Variants in DOCK4 observed in about 807,000 individuals in gnomAD.
DOCK4 encodes dedicator of cytokinesis protein 4.
DOCK4 carries 97 observed loss-of-function variants against 268.1 expected under a neutral mutation model. That is an observed-to-expected ratio of 0.36 (90% CI 0.31 to 0.43). DOCK4 has a LOEUF of 0.43. DOCK4 is among the 20% of genes least tolerant of loss of function. The pLI is 1.00. For missense variants in DOCK4, 2,145 were observed against 2,455.7 expected, an observed-to-expected ratio of 0.87 and a Z score of 2.67; for synonymous variants, 954 against 887.2, an observed-to-expected ratio of 1.08 and a Z score of -1.34.
At chr7:111,863,065 T>G in intron 23 of DOCK4, 1 of 289,952 alleles carries the variant, frequency 3.4e-6, no homozygotes, top group Middle Eastern at 1.1e-3. Flanking sequence ...GATGAAAAAC[T>G]TTTAAAAACA....
intron 1 of DOCK4, among the ~76,000 whole-genome samples, chr7:112,099,253 T>C (rs565336597): frequency 1.3e-5 from 2 of 150,366 alleles, no homozygotes; most frequent in South Asian, 2.1e-4. Context: ...GTTCGTGCCA[T>C]TGCATTTCCG....
chr7:111,984,023 T>C (rs1250790113), intron 7 of DOCK4, among the ~76,000 whole-genome samples: 24 of 152,020 alleles, frequency 1.6e-4, no homozygotes, highest in Non-Finnish European at 5.9e-5. Context: ...TTCACTACAC[T>C]AGACAAAAAG....
Position 111,954,229 on chromosome 7 carries a change from A to G in DOCK4, c.702-8431T>C, listed in dbSNP as rs534778819. Among the ~76,000 whole-genome samples the G allele has an allele frequency of 2.6e-5, 4 of 152,302 alleles. No individual in the cohort carries two copies. The East Asian group carries it at 7.7e-4, about 29-fold the overall frequency. ...GTCTCGCCTAGAATAACAAAGGACA[A>G]TTCAGAAAAGCTCAGGCCGCACTAT... On this transcript the variant is annotated intron_variant, in intron 8 of 52. Transcript: ENST00000428084.
chr7:112,080,611 G>T (rs1391042734), intron 1 of DOCK4, among the ~76,000 whole-genome samples: 3 of 152,308 alleles, frequency 2.0e-5, no homozygotes, highest in African/African-American at 7.2e-5. Flanking sequence ...CTACGCACTT[G>T]TGACAATGTG....
At chr7:112,022,278 C>T (rs1261613478) in intron 1 of DOCK4, among the ~76,000 whole-genome samples, 1 of 152,338 alleles carries the variant, frequency 6.6e-6, no homozygotes, top group South Asian at 2.1e-4. Flanking sequence ...TACAAGTACT[C>T]CTCACAGCAA....
At chr7:112,089,128 A>G (rs1439208355) in intron 1 of DOCK4, among the ~76,000 whole-genome samples, 1 of 152,022 alleles carries the variant, frequency 6.6e-6, no homozygotes, top group African/African-American at 2.4e-5. Context: ...CCCTTTTTTT[A>G]CTTGTTAAAG....
intron 16 of DOCK4, among the ~76,000 whole-genome samples, chr7:111,887,129 ACTGACCAGTC>A (rs957176797): frequency 8.1e-4 from 123 of 152,296 alleles, no homozygotes; most frequent in African/African-American, 2.8e-3. Context: ...AGGAGGTGGA[ACTGACCAGTC>A]ATGCAACCAA....
rs1488868206 is a variant in DOCK4, at chr7:111,741,638, G to T, written c.4821C>A (p.Ala1607=). 1 of 1,613,400 alleles carries T rather than the reference G, an allele frequency of 6.2e-7. No homozygotes were observed. The highest frequency in any genetic ancestry group is 8.5e-7 in the Non-Finnish European group (1 of 1,179,706). The change falls in exon 46 of 53, where the codon GCC becomes GCA. Residue 1607 remains alanine (A), a synonymous_variant. Transcript: ENST00000428084. The part of the protein sequence containing the change: ...GIQEFSACMQ[A]SPVHFPNGSP... ...TTCCATTAGGAAAATGGACAGGACT[G>T]GCTTGCATACAAGCAGAGAACTCCT...
At chr7:112,205,081 G>A (rs1488224698) in intron 1 of DOCK4, among the ~76,000 whole-genome samples, 1 of 152,130 alleles carries the variant, frequency 6.6e-6, no homozygotes, top group Non-Finnish European at 1.5e-5. Flanking sequence ...TAACTGTCAA[G>A]GGGCGACCCA....
At chr7:111,938,240 T>C (rs1161344286) in intron 11 of DOCK4, among the ~76,000 whole-genome samples, 1 of 152,186 alleles carries the variant, frequency 6.6e-6, no homozygotes, top group Non-Finnish European at 1.5e-5. Flanking sequence ...TAAATCTTTG[T>C]CAATGAATTA....
At chr7:112,084,949 C>T (rs1339106997) in intron 1 of DOCK4, among the ~76,000 whole-genome samples, 1 of 152,004 alleles carries the variant, frequency 6.6e-6, no homozygotes, top group Admixed American at 6.6e-5. Context: ...ACATACAGAA[C>T]ATAAGTTACT....
chr7:111,839,897 G>A (rs913833933), intron 25 of DOCK4, among the ~76,000 whole-genome samples: 6 of 151,888 alleles, frequency 4.0e-5, no homozygotes, highest in South Asian at 2.1e-4. Flanking sequence ...GTCTTTTAGC[G>A]GTGACTTCCA....
intron 7 of DOCK4, among the ~76,000 whole-genome samples, chr7:111,979,333 G>T (rs1798436048): frequency 6.6e-6 from 1 of 152,162 alleles, no homozygotes; most frequent in East Asian, 1.9e-4. Context: ...TAAGTAAGTT[G>T]TTTTTAAAAG....
intron 1 of DOCK4, among the ~76,000 whole-genome samples, chr7:112,163,240 G>C (rs1817300463): frequency 6.6e-6 from 1 of 152,060 alleles, no homozygotes; most frequent in African/African-American, 2.4e-5. Flanking sequence ...CTCTGACGTG[G>C]CCTAACCCCC....
intron 1 of DOCK4, among the ~76,000 whole-genome samples, chr7:112,005,034 A>C (rs1800741589): frequency 6.6e-6 from 1 of 152,192 alleles, no homozygotes; most frequent in African/African-American, 2.4e-5. Flanking sequence ...GGAGAAATGA[A>C]GAAAATGCAT....
At chr7:112,018,469 T>C (rs774163480) in intron 1 of DOCK4, among the ~76,000 whole-genome samples, 9 of 152,206 alleles carry the variant, frequency 5.9e-5, no homozygotes, top group Non-Finnish European at 8.8e-5. Context: ...TCAGGGTTTT[T>C]AGAGGGCACC....
intron 8 of DOCK4, among the ~76,000 whole-genome samples, chr7:111,975,289 C>CT (rs910614400): frequency 5.9e-5 from 9 of 152,030 alleles, no homozygotes; most frequent in Admixed American, 5.2e-4. Flanking sequence ...ACAAAAAAAA[C>CT]TTTAGTTTAA....
At chr7:111,790,647 TA>T in intron 30 of DOCK4, 42 bp from the exon 31 acceptor site, 1 of 1,506,620 alleles carries the variant, frequency 6.6e-7, no homozygotes, top group Non-Finnish European at 8.9e-7. Context: ...TATTCAATCT[TA>T]ATATGATTTC....
chr7:112,028,128 G>T (rs1206438344), intron 1 of DOCK4, among the ~76,000 whole-genome samples: 1 of 152,160 alleles, frequency 6.6e-6, no homozygotes, highest in Admixed American at 6.5e-5. Context: ...GGAGCAACTG[G>T]TAGCTAAGTA....
Sources: allele counts gnomAD v4.1 joint callset (sites outside exome capture counted in the v4.1 genomes callset), GRCh38; gene constraint gnomAD v4.1.1; transcripts MANE v1.5; gene names NCBI Gene and HGNC (gene_info 2026-07-23, HGNC 2026-07-21).